The following TRHDE variants were observed in gnomAD, a reference collection of about 807,000 sequenced individuals.
TRHDE encodes the protein thyrotropin releasing hormone degrading enzyme, also known as thyrotropin-releasing hormone-degrading ectoenzyme.
A neutral mutation model predicts 125.7 loss-of-function variants in TRHDE; 72 were observed. The observed-to-expected ratio is 0.57, with a 90% CI of 0.47 to 0.70. The LOEUF (loss-of-function observed/expected upper bound fraction) is 0.70. TRHDE is among the 30% of genes least tolerant of loss of function. The pLI is 0.00. For missense variants in TRHDE, 1,110 were observed against 1,327.1 expected (o/e 0.84, Z 2.54); for synonymous variants, 509 against 509.1 (o/e 1.00, Z 0.00).
At chr12:72,156,857 C>T (rs528455365) in intron 2 of TRHDE, among the ~76,000 whole-genome samples, 2 of 152,194 alleles carry the variant, frequency 1.3e-5, no homozygotes, top group South Asian at 2.1e-4. Context: ...TCAGTAATTC[C>T]CCAAACAGAA....
At chr12:72,631,411 C>T (rs1265551183) in intron 15 of TRHDE, among the ~76,000 whole-genome samples, 1 of 151,726 alleles carries the variant, frequency 6.6e-6, no homozygotes, top group African/African-American at 2.4e-5. Context: ...TCTGTTACTT[C>T]ATAAAATAGG....
At chr12:72,203,857 C>T (rs1468818237) in intron 2 of TRHDE, among the ~76,000 whole-genome samples, 4 of 152,116 alleles carry the variant, frequency 2.6e-5, no homozygotes, top group Non-Finnish European at 5.9e-5. Context: ...CATTCTTTTT[C>T]CCTTGTGTGT....
At chr12:72,658,678 A>G (rs1425770386) in intron 18 of TRHDE, among the ~76,000 whole-genome samples, 1 of 152,190 alleles carries the variant, frequency 6.6e-6, no homozygotes, top group East Asian at 1.9e-4. Context: ...CACTTTATTT[A>G]ATTGCCATTT....
chr12:72,488,760 A>G (rs1022773242), intron 5 of TRHDE, among the ~76,000 whole-genome samples: 4 of 151,916 alleles, frequency 2.6e-5, no homozygotes, highest in Admixed American at 2.6e-4. Flanking sequence ...AGGCCACAAA[A>G]CAAGTCTTAG....
chr12:72,266,455 A>G (rs1387049483), intron 2 of TRHDE, among the ~76,000 whole-genome samples: 4 of 151,896 alleles, frequency 2.6e-5, no homozygotes, highest in Non-Finnish European at 4.4e-5. Context: ...TTCTCAGTCC[A>G]GGAATAATAA....
intron 2 of TRHDE, among the ~76,000 whole-genome samples, chr12:72,341,215 T>C (rs1024366965): frequency 6.6e-6 from 1 of 151,760 alleles, no homozygotes; most frequent in South Asian, 2.1e-4. Flanking sequence ...ACACGTGCCA[T>C]GTTGGTTTGC....
intron 2 of TRHDE, among the ~76,000 whole-genome samples, chr12:72,191,412 A>T (rs768955253): frequency 6.6e-6 from 1 of 152,158 alleles, no homozygotes; most frequent in African/African-American, 2.4e-5. Flanking sequence ...CCTTCTAAAG[A>T]CTGTCATTTA....
Position 72,521,077 on chromosome 12 carries a change from T to TACA in TRHDE, c.1723-21214_1723-21213insACA, listed in dbSNP as rs575682889. ...CTGAATCCAAATTCTGCCCTGTGTG[T>TACA]GATTGCCTGATCATATAGTCAAGTA... On this transcript the variant is annotated intron_variant, in intron 6 of 18. Transcript: ENST00000261180. Among the ~76,000 whole-genome samples the TACA allele has an allele frequency of 2.5e-3, 382 of 152,300 alleles. 1 individual carries two copies. The highest frequency in any genetic ancestry group is 3.9e-3 in the Non-Finnish European group (266 of 68,020).
chr12:72,546,090 C>G (rs914521335), intron 7 of TRHDE, among the ~76,000 whole-genome samples: 1 of 151,660 alleles, frequency 6.6e-6, no homozygotes, highest in Non-Finnish European at 1.5e-5. Flanking sequence ...TTTAGACCTT[C>G]AAGTCCTGCA....
At chr12:72,120,796 A>G (rs1592448103) in intron 2 of TRHDE, among the ~76,000 whole-genome samples, 1 of 149,032 alleles carries the variant, frequency 6.7e-6, no homozygotes, top group Non-Finnish European at 1.5e-5. Context: ...CCCCTGCCTC[A>G]GCCTCCTGAG....
chr12:72,480,374 A>G (rs1312289890), intron 5 of TRHDE, among the ~76,000 whole-genome samples: 8 of 152,088 alleles, frequency 5.3e-5, no homozygotes, highest in Non-Finnish European at 7.4e-5. Flanking sequence ...GTGAGATGGT[A>G]TCTCATTGTG....
intron 2 of TRHDE, among the ~76,000 whole-genome samples, chr12:72,208,200 A>G (rs950039930): frequency 1.3e-5 from 2 of 152,028 alleles, no homozygotes; most frequent in African/African-American, 4.8e-5. Context: ...ACACACACTC[A>G]CACACACATT....
intron 2 of TRHDE, among the ~76,000 whole-genome samples, chr12:72,244,674 T>C (rs1485764529): frequency 4.6e-5 from 7 of 152,108 alleles, no homozygotes; most frequent in Non-Finnish European, 1.0e-4. Flanking sequence ...TATATACATA[T>C]TTTATTGAAG....
chr12:72,462,294 A>G (rs1291841328), intron 3 of TRHDE, among the ~76,000 whole-genome samples: 1 of 152,190 alleles, frequency 6.6e-6, no homozygotes, highest in South Asian at 2.1e-4. Flanking sequence ...GGATTGGAAG[A>G]ATCAATAGGC....
At chr12:72,627,595 C>T (rs1445757430) in intron 15 of TRHDE, among the ~76,000 whole-genome samples, 2 of 151,864 alleles carry the variant, frequency 1.3e-5, no homozygotes, top group African/African-American at 2.4e-5. Flanking sequence ...ATTTAATATG[C>T]TCCATCCCTC....
intron 2 of TRHDE, among the ~76,000 whole-genome samples, chr12:72,364,390 A>T (rs1169488250): frequency 6.6e-6 from 1 of 151,980 alleles, no homozygotes; most frequent in Non-Finnish European, 1.5e-5. Context: ...GGCATTGGAC[A>T]TTTCTTAATC....
chr12:72,594,175 C>A (rs1217604681), intron 12 of TRHDE, among the ~76,000 whole-genome samples: 6 of 152,112 alleles, frequency 3.9e-5, no homozygotes, highest in African/African-American at 1.2e-4. Context: ...TCTCCAGCAC[C>A]TGTTGTTTCC....
chr12:72,229,607 C>A (rs1270609474), intron 2 of TRHDE, among the ~76,000 whole-genome samples: 1 of 152,170 alleles, frequency 6.6e-6, no homozygotes, highest in East Asian at 1.9e-4. Flanking sequence ...GATCAAAATA[C>A]AAAGTGGATG....
At chr12:72,417,312 A>G (rs1033190445) in intron 3 of TRHDE, among the ~76,000 whole-genome samples, 3 of 152,062 alleles carry the variant, frequency 2.0e-5, no homozygotes, top group South Asian at 2.1e-4. Context: ...TGTTATCTCA[A>G]TAGACATGTA....
Sources: gnomAD v4.1 joint callset for allele counts (sites outside exome capture counted in the v4.1 genomes callset) on GRCh38, gnomAD v4.1.1 for gene constraint, MANE v1.5 for transcripts, NCBI Gene and HGNC (gene_info 2026-07-23, HGNC 2026-07-21) for gene names.